TENM2: variants seen among roughly 807,000 people sequenced by gnomAD.
TENM2 encodes teneurin-2.
TENM2 carries 52 observed loss-of-function variants against 245.2 expected under a neutral mutation model. The ratio of observed to expected loss-of-function variants is 0.21; its 90% confidence interval spans 0.17 to 0.27. The LOEUF (loss-of-function observed/expected upper bound fraction) is 0.27. TENM2 is among the 10% of genes least tolerant of loss of function. The pLI is 1.00. For missense variants in TENM2, 3,046 were observed against 3,666.8 expected (o/e 0.83, Z 4.37); for synonymous variants, 1,363 against 1,438.9 (o/e 0.95, Z 1.19).
At chr5:167,640,915 T>G (rs1779570889) in intron 2 of TENM2, among the ~76,000 whole-genome samples, 2 of 90,102 alleles carry the variant, frequency 2.2e-5, no homozygotes, top group African/African-American at 6.9e-5. Flanking sequence ...ATCTTTCTCT[T>G]AAGCTTAGTG....
At chr5:168,169,422 G>C (rs1054203183) in intron 13 of TENM2, among the ~76,000 whole-genome samples, 3 of 152,218 alleles carry the variant, frequency 2.0e-5, no homozygotes, top group African/African-American at 7.2e-5. Context: ...ATCCTGGCCT[G>C]AGCTCTGGGC....
Position 168,124,856 on chromosome 5 carries a change from G to T in TENM2, c.2015G>T (p.Cys672Phe), listed in dbSNP as rs375605284. 61 of 1,610,206 alleles carry T rather than the reference G, an allele frequency of 3.8e-5. 1 individual carries two copies. The highest frequency in any genetic ancestry group is 3.2e-4 in the South Asian group (29 of 89,924). The change falls in exon 11 of 29, where the codon TGC becomes TTC. Residue 672 changes from cysteine to phenylalanine, a missense_variant. Coordinates refer to ENST00000518659, the Ensembl canonical transcript of TENM2. ...TTGTTTTTGTTTTTTTCAGTTGATT[G>T]CTTGGATCCCACCTGCTCCAGCCAC...
chr5:167,742,488 A>G (rs1020304729), intron 2 of TENM2, among the ~76,000 whole-genome samples: 4 of 152,070 alleles, frequency 2.6e-5, no homozygotes, highest in East Asian at 1.9e-4. Flanking sequence ...TGCTGTGTAT[A>G]TGTCCATGTG....
the TENM2 span, among the ~76,000 whole-genome samples, chr5:167,037,716 G>T: frequency 6.6e-6 from 1 of 152,126 alleles, no homozygotes; most frequent in African/African-American, 2.4e-5. Context: ...GGCAAGAGAG[G>T]CAAAGAGAGG....
At chr5:167,422,734 C>T (rs1763585715) in intron 2 of TENM2, among the ~76,000 whole-genome samples, 1 of 152,008 alleles carries the variant, frequency 6.6e-6, no homozygotes, top group African/African-American at 2.4e-5. Context: ...CGTAAGATAC[C>T]TCCATGAATC....
intron 2 of TENM2, among the ~76,000 whole-genome samples, chr5:167,550,779 G>T (rs1433789992): frequency 6.8e-6 from 1 of 147,956 alleles, no homozygotes; most frequent in Non-Finnish European, 1.5e-5. Context: ...ACCCAGGCTG[G>T]AATGCAGTGG....
intron 1 of TENM2, among the ~76,000 whole-genome samples, chr5:167,319,458 T>C (rs1203653546): frequency 6.6e-6 from 1 of 152,162 alleles, no homozygotes; most frequent in Non-Finnish European, 1.5e-5. Context: ...ATTATGTTAA[T>C]TACATTTACC....
At chr5:167,026,997 G>A in the TENM2 span, among the ~76,000 whole-genome samples, 7 of 152,068 alleles carry the variant, frequency 4.6e-5, no homozygotes, top group Non-Finnish European at 1.0e-4. Context: ...GGAAGCAAAA[G>A]AACAGATACC....
chr5:167,148,733 G>T, the TENM2 span, among the ~76,000 whole-genome samples: 3,719 of 152,174 alleles, frequency 0.024, 150 homozygotes, highest in African/African-American at 0.084. Context: ...TTTGGAGGGA[G>T]GAAAGGGGAA....
chr5:167,422,951 T>G (rs1248496454), intron 2 of TENM2, among the ~76,000 whole-genome samples: 1 of 152,188 alleles, frequency 6.6e-6, no homozygotes, highest in Non-Finnish European at 1.5e-5. Context: ...TGATGCACTC[T>G]TACCAGGAAA....
intron 22 of TENM2, among the ~76,000 whole-genome samples, 164 bp from the exon 25 acceptor site, chr5:168,217,961 C>T (rs953638826): frequency 6.6e-6 from 1 of 152,150 alleles, no homozygotes; most frequent in Non-Finnish European, 1.5e-5. Context: ...CACACCCACT[C>T]ATCATGGGCA....
chr5:168,219,468 A>G (rs1763474709), intron 23 of TENM2, among the ~76,000 whole-genome samples: 1 of 152,176 alleles, frequency 6.6e-6, no homozygotes, highest in Non-Finnish European at 1.5e-5. Context: ...ATACAGATAA[A>G]GCATTAGGTA....
chr5:167,108,415 C>T, the TENM2 span, among the ~76,000 whole-genome samples: 82 of 152,246 alleles, frequency 5.4e-4, no homozygotes, highest in African/African-American at 1.9e-3. Context: ...CGTGAGTCAC[C>T]GCGCCCGGCC....
chr5:167,143,002 T>TA, the TENM2 span, among the ~76,000 whole-genome samples: 1 of 152,204 alleles, frequency 6.6e-6, no homozygotes, highest in Non-Finnish European at 1.5e-5. Flanking sequence ...ATGTGTGATA[T>TA]AAAATGTAAG....
the TENM2 span, among the ~76,000 whole-genome samples, chr5:166,993,326 C>T: frequency 6.6e-6 from 1 of 152,120 alleles, no homozygotes; most frequent in African/African-American, 2.4e-5. Flanking sequence ...AGGGTCTCCA[C>T]TGGAGATATT....
intron 2 of TENM2, among the ~76,000 whole-genome samples, chr5:167,787,503 T>A (rs1159659115): frequency 6.6e-6 from 1 of 152,230 alleles, no homozygotes; most frequent in African/African-American, 2.4e-5. Context: ...ATATCTATCA[T>A]GCTTTCCCTT....
At chr5:167,841,852 G>C (rs1469835326) in intron 2 of TENM2, among the ~76,000 whole-genome samples, 1 of 151,498 alleles carries the variant, frequency 6.6e-6, no homozygotes, top group Non-Finnish European at 1.5e-5. Flanking sequence ...TTCTGTTTTT[G>C]CCTTTGTCTT....
chr5:167,350,626 G>T (rs1394343343), intron 1 of TENM2, among the ~76,000 whole-genome samples: 1 of 48,450 alleles, frequency 2.1e-5, no homozygotes, highest in Non-Finnish European at 5.0e-5. Context: ...TACATATGTG[G>T]ATATATATAT....
chr5:167,192,035 C>T, the TENM2 span, among the ~76,000 whole-genome samples: 2 of 152,034 alleles, frequency 1.3e-5, no homozygotes, highest in Non-Finnish European at 2.9e-5. Flanking sequence ...TTTAGCAACT[C>T]AACTCTTACT....
Sources: allele counts gnomAD v4.1 joint callset (sites outside exome capture counted in the v4.1 genomes callset), GRCh38; gene constraint gnomAD v4.1.1; transcripts MANE v1.5; gene names NCBI Gene and HGNC (gene_info 2026-07-23, HGNC 2026-07-21).